Variants in GIT2 observed in about 807,000 individuals in gnomAD.
The protein encoded by GIT2 is ARF GTPase-activating protein GIT2.
Under a neutral mutation model 100.3 loss-of-function variants are expected in GIT2, and 32 were observed. The observed-to-expected ratio is 0.32, with a 90% CI of 0.24 to 0.43. GIT2 has a LOEUF of 0.43. GIT2 is among the 20% of genes least tolerant of loss of function. GIT2 has a pLI of 1.00. For synonymous variants in GIT2, 353 were observed against 364.1 expected, an observed-to-expected ratio of 0.97 and a Z score of 0.35; for missense variants, 737 against 975.1, an observed-to-expected ratio of 0.76 and a Z score of 3.25.
intron 18 of GIT2, among the ~76,000 whole-genome samples, chr12:109,937,944 C>G (rs1873504391): frequency 6.6e-6 from 1 of 152,136 alleles, no homozygotes; most frequent in Non-Finnish European, 1.5e-5. Flanking sequence ...CTCAGGTGAT[C>G]CACCTGCTTC....
At chr12:109,995,753 TC>T (rs1461034761) in intron 1 of GIT2, among the ~76,000 whole-genome samples, 1 of 152,098 alleles carries the variant, frequency 6.6e-6, no homozygotes, top group Non-Finnish European at 1.5e-5. Flanking sequence ...AGTGTCATCC[TC>T]CCCGGGCAGG....
At chr12:109,953,825 T>C (rs931430449) in intron 12 of GIT2, 1 of 152,236 alleles carries the variant, frequency 6.6e-6, no homozygotes, top group Non-Finnish European at 1.5e-5. Flanking sequence ...AGGAAGGAAC[T>C]GCTCAGATAA....
chr12:109,980,756 AAGG>A (rs1886159927), intron 7 of GIT2, 193 bp downstream of exon 7: 2 of 570,640 alleles, frequency 3.5e-6, no homozygotes, highest in Non-Finnish European at 6.3e-6. Context: ...TGAAAAATCT[AAGG>A]AGTTTTGTCC....
chr12:109,936,920 T>C (rs1178727769), intron 18 of GIT2, among the ~76,000 whole-genome samples: 1 of 151,808 alleles, frequency 6.6e-6, no homozygotes, highest in Non-Finnish European at 1.5e-5. Context: ...ACACTTTGCT[T>C]TCTGTAATCA....
chr12:109,998,089 A>T (rs1281130272), upstream of GIT2: 1 of 152,266 alleles, frequency 6.6e-6, no homozygotes, highest in Non-Finnish European at 1.5e-5. Flanking sequence ...TAAACACGGC[A>T]TGATGAAGAA....
At chr12:109,985,421 G>A (rs191430727) in intron 4 of GIT2, among the ~76,000 whole-genome samples, 5 of 152,046 alleles carry the variant, frequency 3.3e-5, no homozygotes, top group East Asian at 1.9e-4. Context: ...ATTAAAAAAG[G>A]GGGGGGAAAA....
At chr12:109,982,143 C>T (rs1271466152) in intron 6 of GIT2, 1 of 152,310 alleles carries the variant, frequency 6.6e-6, no homozygotes, top group Non-Finnish European at 1.5e-5. Flanking sequence ...TCTGTTCTTT[C>T]CAGTCAGGTC....
rs1566004811 is a variant in GIT2, at chr12:109,980,955, G to A, written c.715C>T (p.Pro239Ser). 6.3e-7 allele frequency: 1 copy of A among 1,592,918 alleles called. No homozygotes were observed. The highest frequency in any genetic ancestry group is 1.7e-4 in the Middle Eastern group (1 of 6,022). The change falls in exon 7 of 20, where the codon CCA becomes TCA. Residue 239 changes from proline to serine, a missense_variant. Physicochemically the swap from Pro to Ser is moderately conservative, Grantham distance 74. Transcript: ENST00000355312. ...CGGTCATTCTCCATCCACTCACCTG[G>A]TTTCCTGCCACAGAGATAGAAGGCT... ...RLAFYLCGRK[P>S]DHKNGQHFII...
chr12:109,983,307 C>T (rs1886688752), intron 6 of GIT2, 66 bp downstream of exon 6: 1 of 1,442,332 alleles, frequency 6.9e-7, no homozygotes, highest in African/African-American at 1.4e-5. Flanking sequence ...AACTTAGCTA[C>T]TTAACAAGGA....
At chr12:109,998,701 T>C (rs1889764989), upstream of GIT2, 1 of 152,190 alleles carries the variant, frequency 6.6e-6, no homozygotes, top group Non-Finnish European at 1.5e-5. Context: ...ATCACCACCA[T>C]AGTTAGCTAT....
intron 2 of GIT2, among the ~76,000 whole-genome samples, chr12:109,990,835 G>C (rs995004174): frequency 1.6e-4 from 24 of 152,216 alleles, no homozygotes; most frequent in Non-Finnish European, 2.8e-4. Context: ...TCTCTGACTA[G>C]TAACAAGAGC....
At chr12:109,986,423 A>G (rs1425188907) in intron 4 of GIT2, among the ~76,000 whole-genome samples, 1 of 152,128 alleles carries the variant, frequency 6.6e-6, no homozygotes, top group Non-Finnish European at 1.5e-5. Flanking sequence ...TGAGGTTAGG[A>G]GTTCGAGACC....
intron 11 of GIT2, among the ~76,000 whole-genome samples, chr12:109,960,798 T>A (rs1880868490): frequency 6.6e-6 from 1 of 152,230 alleles, no homozygotes; most frequent in South Asian, 2.1e-4. Flanking sequence ...TAGAGCATAT[T>A]CTCAAATGAG....
chr12:109,941,442 C>T (rs1023381818), intron 16 of GIT2, among the ~76,000 whole-genome samples: 1 of 152,148 alleles, frequency 6.6e-6, no homozygotes, highest in Non-Finnish European at 1.5e-5. Flanking sequence ...GCACTGTGGT[C>T]TTCCAGAGAT....
At chr12:109,936,395 G>T (rs1304930555) in intron 18 of GIT2, among the ~76,000 whole-genome samples, 1 of 151,996 alleles carries the variant, frequency 6.6e-6, no homozygotes, top group East Asian at 1.9e-4. Flanking sequence ...AGTAGAAATG[G>T]CCTCAGGGCA....
intron 7 of GIT2, among the ~76,000 whole-genome samples, chr12:109,970,250 T>C (rs71458315): frequency 6.6e-6 from 1 of 151,942 alleles, no homozygotes; most frequent in Non-Finnish European, 1.5e-5. Context: ...TCCCAGCACT[T>C]TGGGAGGCCG....
chr12:109,994,951 G>C (rs1040486351), intron 1 of GIT2, among the ~76,000 whole-genome samples: 3 of 152,140 alleles, frequency 2.0e-5, no homozygotes, highest in African/African-American at 7.2e-5. Context: ...GGTAACACCT[G>C]CACTGTACGG....
intron 8 of GIT2, 126 bp downstream of exon 8, chr12:109,967,332 T>C: frequency 6.3e-7 from 1 of 1,598,176 alleles, no homozygotes; most frequent in Non-Finnish European, 8.5e-7. Context: ...TATTTCCAAA[T>C]GGTATAGCCA....
intron 7 of GIT2, among the ~76,000 whole-genome samples, chr12:109,976,129 C>CACACAA (rs1396683893): frequency 6.6e-6 from 1 of 151,840 alleles, no homozygotes; most frequent in African/African-American, 2.4e-5. Flanking sequence ...CACAAACACA[C>CACACAA]ACACACACAA....
Sources: gnomAD v4.1 joint callset for allele counts (sites outside exome capture counted in the v4.1 genomes callset) on GRCh38, gnomAD v4.1.1 for gene constraint, MANE v1.5 for transcripts, NCBI Gene and HGNC (gene_info 2026-07-23, HGNC 2026-07-21) for gene names.